Variants in UNC5B observed in about 807,000 individuals in gnomAD.
UNC5B encodes unc-5 netrin receptor B, also known as netrin receptor UNC5B.
A neutral mutation model predicts 103.7 loss-of-function variants in UNC5B; 56 were observed. The observed-to-expected ratio is 0.54, with a 90% confidence interval of 0.44 to 0.67. The LOEUF (loss-of-function observed/expected upper bound fraction) is 0.67, where lower values mean the gene tolerates loss of function less well. Among genes scored for constraint, UNC5B ranks in the 30% least tolerant of loss-of-function variants. The pLI, the probability that UNC5B is intolerant of heterozygous loss-of-function variation, is 0.00. For missense variants in UNC5B, 1,194 were observed against 1,284.5 expected, an observed-to-expected ratio of 0.93 and a Z score of 1.08; for synonymous variants, 577 against 542.0, an observed-to-expected ratio of 1.06 and a Z score of -0.90.
chr10:71,215,979 G>A (rs1843322811), intron 1 of UNC5B, among the ~76,000 whole-genome samples: 1 of 152,006 alleles, frequency 6.6e-6, no homozygotes, highest in South Asian at 2.1e-4. Context: ...TAAAGTGAAA[G>A]TACCACTGCA....
At position 71,291,732 on chromosome 10, in the gene UNC5B, A is replaced by G; in HGVS notation, c.1595A>G (p.Gln532Arg). ...CTGCGCAGCGCCAGCCTCGGTTCCC[A>G]GCAGCTCTTGGGCCTGCCCCGAGAC... ...LHLRSASLGS[Q>R]QLLGLPRDPG... Residue 532 changes from glutamine (Q) to arginine (R), a missense_variant, in exon 10 of 17, where the codon CAG (glutamine) becomes CGG (arginine). Coordinates refer to ENST00000335350, the MANE Select transcript of UNC5B (RefSeq NM_170744.5). The G allele has an allele frequency of 6.2e-7, 1 of 1,611,898 alleles. No individual in the cohort carries two copies. The highest frequency in any genetic ancestry group is 8.5e-7 in the Non-Finnish European group (1 of 1,179,942).
At chr10:71,281,057 A>G (rs1475262569) in intron 2 of UNC5B, among the ~76,000 whole-genome samples, 1 of 147,650 alleles carries the variant, frequency 6.8e-6, no homozygotes, top group Non-Finnish European at 1.5e-5. Context: ...TTTTCTCTTC[A>G]TCCCCCTCTC....
At chr10:71,226,004 C>T (rs904321402) in intron 1 of UNC5B, among the ~76,000 whole-genome samples, 1 of 152,188 alleles carries the variant, frequency 6.6e-6, no homozygotes, top group Admixed American at 6.5e-5. Flanking sequence ...CTCCCCACCC[C>T]CTAGTTCCTA....
intron 1 of UNC5B, among the ~76,000 whole-genome samples, chr10:71,227,058 C>G (rs1273927629): frequency 6.6e-6 from 1 of 151,136 alleles, no homozygotes; most frequent in East Asian, 1.9e-4. Context: ...AAAATTGGCT[C>G]ACTACAACCT....
intron 1 of UNC5B, among the ~76,000 whole-genome samples, chr10:71,237,042 A>G (rs1390388549): frequency 6.6e-6 from 1 of 152,052 alleles, no homozygotes; most frequent in East Asian, 1.9e-4. Context: ...CAGGGTATTC[A>G]GAGGTTTGGA....
At position 71,289,098 on chromosome 10, in the gene UNC5B, A is replaced by G. The variant is rs1589197104; in HGVS notation, c.1099+108A>G. 3 of 1,448,694 alleles carry G rather than the reference A, an allele frequency of 2.1e-6. No individual in the cohort carries two copies. The South Asian group carries it at 3.7e-5, about 18-fold the overall frequency. The allele number at this position is 1,448,694 out of a possible 1,614,324, so 89.7% of individuals were successfully genotyped here. On this transcript the variant is annotated intron_variant, in intron 8 of 16. Transcript: ENST00000335350. The stretch of plus-strand genomic sequence containing the variant: ...AGGGCAGGGAGAGCTGAAGGTGCCT[A>G]CCCACCCCCCACGGGATCATCTACA...
At chr10:71,280,108 C>T (rs1044117942) in intron 2 of UNC5B, 63 bp downstream of exon 2, 26 of 1,542,070 alleles carry the variant, frequency 1.7e-5, no homozygotes, top group Non-Finnish European at 2.2e-5. Flanking sequence ...ACAGGCCTAG[C>T]TCCATGTGAG....
chr10:71,297,935 C>G lies in UNC5B; in HGVS notation c.2517C>G (p.Leu839=). ...AETPAGSLDT[L]CSAPGSTVTT... is the part of the protein sequence containing the mutation. ...CACCTGCTGGCTCCCTGGACACTCT[C>G]TGCTCTGCCCCTGGCAGCACTGTCA... The change falls in exon 16 of 17, where the codon CTC becomes CTG. Residue 839 remains leucine (L), a synonymous_variant. Transcript: ENST00000335350. 2 of 1,613,632 alleles carry G rather than the reference C, an allele frequency of 1.2e-6. No homozygotes were observed. The highest frequency in any genetic ancestry group is 1.7e-6 in the Non-Finnish European group (2 of 1,179,802).
chr10:71,292,608 T>G, intron 11 of UNC5B, 54 bp downstream of exon 11: 1 of 1,492,368 alleles, frequency 6.7e-7, no homozygotes, highest in South Asian at 1.2e-5. Context: ...CCTTGCTGCC[T>G]GCCCACACGT....
At chr10:71,266,748 T>C (rs995335309) in intron 1 of UNC5B, among the ~76,000 whole-genome samples, 1 of 152,178 alleles carries the variant, frequency 6.6e-6, no homozygotes, top group Non-Finnish European at 1.5e-5. Context: ...GAGTACAATA[T>C]TCCCCCCTTA....
At chr10:71,262,731 C>G (rs16928574) in intron 1 of UNC5B, among the ~76,000 whole-genome samples, 5,602 of 152,222 alleles carry the variant, frequency 0.037, 363 homozygotes, top group East Asian at 0.17. Flanking sequence ...CTTGATTACC[C>G]TCTAGTCACC....
At chr10:71,227,623 TATATACATATATATACAC>T (rs1238877059) in intron 1 of UNC5B, among the ~76,000 whole-genome samples, 1 of 143,228 alleles carries the variant, frequency 7.0e-6, no homozygotes, top group East Asian at 2.1e-4. Context: ...TATATATACA[TATATACATATATATACAC>T]ATATACATAT....
At position 71,299,387 on chromosome 10, in the gene UNC5B, CAG is replaced by C; in HGVS notation, c.*113_*114del. ...CCTCTGCTTCCTCCCAGTTCACAGC[CAG>C]AGTTGCCTCTCCTCCTCCTCTTCCC... On this transcript the variant is annotated 3_prime_UTR_variant, in exon 17 of 17. Coordinates refer to ENST00000335350, the MANE Select transcript of UNC5B (RefSeq NM_170744.5). The C allele has an allele frequency of 7.2e-7, 1 of 1,393,496 alleles. No homozygotes were observed. The highest frequency in any genetic ancestry group is 9.8e-7 in the Non-Finnish European group (1 of 1,020,264). 86.3% of individuals were successfully genotyped at this position (1,393,496 alleles called of 1,614,324 possible).
rs1564516233 is a variant in UNC5B at position 71,296,832 on chromosome 10, CGCTGGCGG to C, written c.2490+91_2490+98del. 402 of 874,400 alleles carry C rather than the reference CGCTGGCGG, an allele frequency of 4.6e-4. 2 individuals are homozygous for C. Among genetic ancestry groups the C allele is most frequent in the African/African-American group, 3.8e-3 (208 of 55,122 alleles). The allele number at this position is 874,400 out of a possible 1,614,324, so 54.2% of individuals were successfully genotyped here. ...GGGCAGATATTCCAGCTGCACACCACGCTGGCGGAGGTGAGGGAAGGGTGGGGCAGATA... is the reference window on the plus strand; with the variant it reads ...GGGCAGATATTCCAGCTGCACACCACAGGTGAGGGAAGGGTGGGGCAGATA... On this transcript the variant is annotated intron_variant, in intron 15 of 16. Coordinates refer to ENST00000335350, the MANE Select transcript of UNC5B (RefSeq NM_170744.5).
intron 1 of UNC5B, among the ~76,000 whole-genome samples, chr10:71,255,103 A>G (rs1471316100): frequency 6.6e-6 from 1 of 152,232 alleles, no homozygotes; most frequent in Non-Finnish European, 1.5e-5. Flanking sequence ...TCTTTCTCGT[A>G]TAATTACATA....
At chr10:71,278,866 T>G (rs1157796101) in intron 1 of UNC5B, among the ~76,000 whole-genome samples, 3 of 152,276 alleles carry the variant, frequency 2.0e-5, no homozygotes, top group Non-Finnish European at 4.4e-5. Flanking sequence ...CCTGATCATT[T>G]GGCATTTGGC....
Position 71,276,737 on chromosome 10 carries a change from T to C in UNC5B, c.80-3084T>C, listed in dbSNP as rs185768282. 5.5e-3 allele frequency among the ~76,000 whole-genome samples: 843 copies of C among 152,294 alleles called. 7 individuals are homozygous for C. Among genetic ancestry groups the C allele is most frequent in the African/African-American group, 0.019 (804 of 41,558 alleles). Reference sequence around the variant, plus strand: ...GCGTGAGCCACTGCGCCCGGCCTACTCCCTTACTGAAGTTGCATTCACTGT... The same window carrying C: ...GCGTGAGCCACTGCGCCCGGCCTACCCCCTTACTGAAGTTGCATTCACTGT... On this transcript the variant is annotated intron_variant, in intron 1 of 16. Transcript: ENST00000335350.
chr10:71,296,986 GT>G, intron 15 of UNC5B, among the ~76,000 whole-genome samples: 1 of 136,864 alleles, frequency 7.3e-6, no homozygotes, highest in Non-Finnish European at 1.7e-5. Flanking sequence ...CACCACTCTG[GT>G]GGAGGTGAGG....
At chr10:71,249,608 C>G (rs1380544081) in intron 1 of UNC5B, among the ~76,000 whole-genome samples, 1 of 152,210 alleles carries the variant, frequency 6.6e-6, no homozygotes, top group African/African-American at 2.4e-5. Context: ...GCTGTCATTT[C>G]TAACTCCAGG....
Sources: allele counts gnomAD v4.1 joint callset (sites outside exome capture counted in the v4.1 genomes callset), GRCh38; gene constraint gnomAD v4.1.1; transcripts MANE v1.5; gene names NCBI Gene and HGNC (gene_info 2026-07-23, HGNC 2026-07-21).